RAD51B: variants seen among roughly 807,000 people sequenced by gnomAD.
RAD51B encodes RAD51 paralog B, also known as DNA repair protein RAD51 homolog 2.
Under a neutral mutation model 42.2 loss-of-function variants are expected in RAD51B, and 38 were observed. That is an observed-to-expected ratio of 0.90 (90% CI 0.70 to 1.18). The LOEUF (loss-of-function observed/expected upper bound fraction) is 1.18, where lower values mean the gene tolerates loss of function less well. Among genes scored for constraint, RAD51B ranks in the 50% most tolerant of loss-of-function variants. RAD51B has a pLI of 0.00. For missense variants in RAD51B, 373 were observed against 400.7 expected, an observed-to-expected ratio of 0.93 and a Z score of 0.59; for synonymous variants, 154 against 145.2, an observed-to-expected ratio of 1.06 and a Z score of -0.43.
downstream of RAD51B, among the ~76,000 whole-genome samples, chr14:68,615,444 C>G (rs895834198): frequency 1.1e-4 from 17 of 151,978 alleles, no homozygotes; most frequent in African/African-American, 4.1e-4. Context: ...CTCCCGGGTT[C>G]ACACCATTCT....
chr14:67,832,084 A>G (rs1452377051), intron 3 of RAD51B, among the ~76,000 whole-genome samples: 1 of 152,248 alleles, frequency 6.6e-6, no homozygotes, highest in Non-Finnish European at 1.5e-5. Context: ...GATAAATTAT[A>G]TTACATTTAT....
intron 10 of RAD51B, among the ~76,000 whole-genome samples, chr14:68,571,384 G>T (rs1446452335): frequency 6.6e-6 from 1 of 152,218 alleles, no homozygotes; most frequent in Non-Finnish European, 1.5e-5. Context: ...TCAGGGCAGT[G>T]TTCCCTTCTG....
At chr14:68,474,124 AT>A (rs1222045677) in intron 10 of RAD51B, among the ~76,000 whole-genome samples, 1 of 152,164 alleles carries the variant, frequency 6.6e-6, no homozygotes, top group Non-Finnish European at 1.5e-5. Context: ...ACTTATGGAA[AT>A]TTTGATTATT....
intron 7 of RAD51B, among the ~76,000 whole-genome samples, chr14:68,172,372 G>A (rs1398329131): frequency 6.6e-6 from 1 of 152,196 alleles, no homozygotes; most frequent in South Asian, 2.1e-4. Flanking sequence ...GATACCGACA[G>A]GTTTGTCCCT....
chr14:68,648,714 C>G (rs74976705), intron 10 of RAD51B, among the ~76,000 whole-genome samples: 9,746 of 139,820 alleles, frequency 0.07, 409 homozygotes, highest in African/African-American at 0.12. Flanking sequence ...CACACACACA[C>G]AGGGAAAAAC....
chr14:68,644,423 C>T (rs1892525433), intron 10 of RAD51B, among the ~76,000 whole-genome samples: 1 of 152,196 alleles, frequency 6.6e-6, no homozygotes, highest in African/African-American at 2.4e-5. Flanking sequence ...TGGAATCCAT[C>T]AGTGGCTTTC....
chr14:67,823,448 T>C (rs2040703012), intron 1 of RAD51B, 94 bp from the exon 2 acceptor site: 8 of 984,382 alleles, frequency 8.1e-6, no homozygotes, highest in Non-Finnish European at 1.1e-5. Flanking sequence ...ACTTGAGGAA[T>C]TTTTAATTTT....
intron 10 of RAD51B, among the ~76,000 whole-genome samples, chr14:68,555,765 C>T (rs557383420): frequency 6.6e-6 from 1 of 152,286 alleles, no homozygotes; most frequent in East Asian, 1.9e-4. Context: ...CAGACAAGAC[C>T]CTGATTGACA....
chr14:68,489,766 A>C (rs757242619), intron 10 of RAD51B, among the ~76,000 whole-genome samples: 1 of 152,130 alleles, frequency 6.6e-6, no homozygotes, highest in Non-Finnish European at 1.5e-5. Context: ...TCTCAGGGTC[A>C]TTTGCTGTTT....
intron 7 of RAD51B, among the ~76,000 whole-genome samples, chr14:67,975,670 A>C (rs1400349446): frequency 6.6e-6 from 1 of 152,252 alleles, no homozygotes; most frequent in Non-Finnish European, 1.5e-5. Context: ...ATAGAGGTAC[A>C]GAAACAGCTG....
intron 10 of RAD51B, among the ~76,000 whole-genome samples, chr14:68,621,860 A>G (rs891872437): frequency 1.3e-5 from 2 of 152,172 alleles, no homozygotes; most frequent in African/African-American, 4.8e-5. Flanking sequence ...GCACAGTGAC[A>G]ATGAGTGTAA....
intron 4 of RAD51B, among the ~76,000 whole-genome samples, chr14:67,861,974 G>GT: frequency 1.3e-5 from 2 of 149,496 alleles, no homozygotes; most frequent in Non-Finnish European, 2.9e-5. Flanking sequence ...GTTTCAGTCA[G>GT]TGGGGGGGAA....
chr14:68,166,787 G>A (rs1017659722), intron 7 of RAD51B, among the ~76,000 whole-genome samples: 7 of 152,040 alleles, frequency 4.6e-5, no homozygotes, highest in African/African-American at 1.4e-4. Context: ...GTAATGATTT[G>A]TAGCACAACA....
intron 7 of RAD51B, among the ~76,000 whole-genome samples, chr14:68,185,318 T>C (rs1242588372): frequency 1.3e-5 from 2 of 152,184 alleles, no homozygotes; most frequent in South Asian, 2.1e-4. Flanking sequence ...AGTTTCTGTA[T>C]AGGGCAAGTG....
chr14:68,172,697 G>A (rs912505117), intron 7 of RAD51B, among the ~76,000 whole-genome samples: 8 of 152,136 alleles, frequency 5.3e-5, no homozygotes, highest in African/African-American at 1.7e-4. Context: ...GATGTGACCC[G>A]AACCATGGTT....
At chr14:68,653,129 C>T (rs1892735748) in intron 11 of RAD51B, among the ~76,000 whole-genome samples, 1 of 152,222 alleles carries the variant, frequency 6.6e-6, no homozygotes, top group Admixed American at 6.5e-5. Flanking sequence ...CTCACGGTGA[C>T]CCACATCCCA....
chr14:68,645,672 C>T (rs947652066), intron 10 of RAD51B, among the ~76,000 whole-genome samples: 7 of 152,228 alleles, frequency 4.6e-5, no homozygotes, highest in African/African-American at 1.7e-4. Flanking sequence ...TGTTTTTCTC[C>T]TTTTTTTAGT....
intron 8 of RAD51B, among the ~76,000 whole-genome samples, chr14:68,379,540 A>G (rs998955432): frequency 3.9e-5 from 6 of 152,140 alleles, no homozygotes; most frequent in Non-Finnish European, 8.8e-5. Flanking sequence ...CAGTTAACCA[A>G]AATACTTACT....
chr14:68,436,966 G>A (rs1364451877), intron 9 of RAD51B, among the ~76,000 whole-genome samples: 1 of 152,010 alleles, frequency 6.6e-6, no homozygotes, highest in Admixed American at 6.6e-5. Flanking sequence ...CAGTAAAGAG[G>A]GATAATTTGA....
Sources: gnomAD v4.1 joint callset for allele counts (sites outside exome capture counted in the v4.1 genomes callset) on GRCh38, gnomAD v4.1.1 for gene constraint, MANE v1.5 for transcripts, NCBI Gene and HGNC (gene_info 2026-07-23, HGNC 2026-07-21) for gene names.